PCDHGA2: variants seen among roughly 807,000 people sequenced by gnomAD.
PCDHGA2 encodes protocadherin gamma-A2.
Under a neutral mutation model 59.2 loss-of-function variants are expected in PCDHGA2, and 40 were observed. That is an observed-to-expected ratio of 0.68 (90% CI 0.52 to 0.88). The LOEUF is 0.88. Among genes scored for constraint, PCDHGA2 ranks in the 40% least tolerant of loss-of-function variants. The pLI is 0.00. For missense variants in PCDHGA2, 1,226 were observed against 1,204.0 expected (o/e 1.02, Z -0.27); for synonymous variants, 560 against 526.0 (o/e 1.06, Z -0.89).
intron 1 of PCDHGA2, chr5:141,422,767 G>T: frequency 6.2e-7 from 1 of 1,613,786 alleles, no homozygotes; most frequent in Non-Finnish European, 8.5e-7. Context: ...CAACACTGGT[G>T]TTCTCTATGC....
chr5:141,433,192 A>G (rs756991371), intron 1 of PCDHGA2: 1 of 1,585,516 alleles, frequency 6.3e-7, no homozygotes, highest in Non-Finnish European at 8.6e-7. Flanking sequence ...AGGTGAGTTT[A>G]TATCAAATCT....
intron 1 of PCDHGA2, among the ~76,000 whole-genome samples, chr5:141,380,672 T>C (rs1401105927): frequency 1.3e-5 from 2 of 152,212 alleles, no homozygotes; most frequent in Non-Finnish European, 1.5e-5. Context: ...CTCCATAGGG[T>C]ATGTATGCTT....
intron 1 of PCDHGA2, chr5:141,378,037 A>G (rs898518521): frequency 1.3e-5 from 2 of 152,204 alleles, no homozygotes; most frequent in African/African-American, 4.8e-5. Flanking sequence ...TTAAAACAAG[A>G]CTTTCCTTAT....
In PCDHGA2 at chr5:141,345,015, C is replaced by G. The variant is rs756820605; in HGVS notation, c.2424+3620C>G. 5 of 1,613,850 alleles carry G rather than the reference C, an allele frequency of 3.1e-6. No homozygotes were observed. Among genetic ancestry groups the G allele is most frequent in the Non-Finnish European group, 4.2e-6 (5 of 1,179,886 alleles). On this transcript the variant is annotated intron_variant, in intron 1 of 3. Transcript: ENST00000394576. ...TGAAGCACAGGATGGACCAGGTCTT[C>G]TTTCAAGAGCCAAGATTCTAGTCAC...
At chr5:141,375,561 A>C in intron 1 of PCDHGA2, 1 of 1,614,064 alleles carries the variant, frequency 6.2e-7, no homozygotes, top group Non-Finnish European at 8.5e-7. Context: ...TCACTGGCAG[A>C]AGACACCCTC....
rs781345070 is a variant in PCDHGA2 at position 141,371,941 on chromosome 5, C to T, written c.2424+30546C>T. 8 of 1,613,174 alleles carry T rather than the reference C, an allele frequency of 5.0e-6. No individual in the cohort carries two copies. The South Asian group carries it at 7.7e-5, about 15-fold the overall frequency. On this transcript the variant is annotated intron_variant, in intron 1 of 3. Transcript: ENST00000394576. ...AGCGCGCGGAGCGGGGTGGTGTTCG[C>T]GCAGCGAGCCTTCGACCACGAGCAG...
Position 141,487,494 on chromosome 5 carries a change from C to A in PCDHGA2, c.2425-7313C>A, listed in dbSNP as rs116370895. On this transcript the variant is annotated intron_variant, in intron 1 of 3. Transcript: ENST00000394576. The surrounding 1 kb of genome is among the most constrained non-coding windows in gnomAD (Gnocchi z 5.0). The stretch of plus-strand genomic sequence containing the variant: ...GGAGGCCACTCTCATGGCTGTACAC[C>A]CTTGGCTTCTGCACCCACTCGGAGT... 1,421 of 1,614,120 alleles carry A rather than the reference C, an allele frequency of 8.8e-4. 3 individuals are homozygous for A. Among genetic ancestry groups the A allele is most frequent in the Non-Finnish European group, 1.2e-3 (1,358 of 1,180,034 alleles).
At chr5:141,419,348 G>A (rs1195474899) in intron 1 of PCDHGA2, 1 of 1,613,816 alleles carries the variant, frequency 6.2e-7, no homozygotes, top group Non-Finnish European at 8.5e-7. Context: ...CAGCGACCTG[G>A]AGTCACGAAC....
chr5:141,399,194 C>A (rs770516092), intron 1 of PCDHGA2: 24 of 1,613,720 alleles, frequency 1.5e-5, no homozygotes, highest in Non-Finnish European at 1.5e-5. Context: ...CTGGAAAACG[C>A]GGTGCCTGGA....
intron 1 of PCDHGA2, chr5:141,364,350 G>A: frequency 6.5e-7 from 1 of 1,550,364 alleles, no homozygotes; most frequent in Non-Finnish European, 8.7e-7. Flanking sequence ...CCACCTAGGG[G>A]CTGGGGCTGC....
chr5:141,356,110 T>A (rs1251778945), intron 1 of PCDHGA2: 1 of 1,613,716 alleles, frequency 6.2e-7, no homozygotes, highest in East Asian at 2.2e-5. Context: ...TATAACAATA[T>A]TGGGGGGTCT....
chr5:141,371,950 C>T (rs749822569), intron 1 of PCDHGA2: 2 of 1,613,286 alleles, frequency 1.2e-6, no homozygotes, highest in Non-Finnish European at 1.7e-6. Context: ...GCGCAGCGAG[C>T]CTTCGACCAC....
At chr5:141,353,486 C>T (rs2149775311) in intron 1 of PCDHGA2, among the ~76,000 whole-genome samples, 1 of 152,174 alleles carries the variant, frequency 6.6e-6, no homozygotes, top group East Asian at 1.9e-4. Flanking sequence ...ACTCTTAACA[C>T]TTTGTCTCAT....
intron 1 of PCDHGA2, among the ~76,000 whole-genome samples, chr5:141,425,410 A>G (rs1283299220): frequency 2.0e-5 from 3 of 152,240 alleles, no homozygotes; most frequent in African/African-American, 7.2e-5. Flanking sequence ...TTAAGGTATA[A>G]CATATAGTCC....
At chr5:141,369,614 A>G (rs1334946148) in intron 1 of PCDHGA2, among the ~76,000 whole-genome samples, 2 of 152,240 alleles carry the variant, frequency 1.3e-5, no homozygotes, top group East Asian at 3.8e-4. Context: ...AAGGTCAATC[A>G]TTTCCTCATT....
At chr5:141,419,371 C>T (rs751971270) in intron 1 of PCDHGA2, 4 of 1,613,662 alleles carry the variant, frequency 2.5e-6, no homozygotes, top group Non-Finnish European at 8.5e-7. Flanking sequence ...TGTCGTCCTA[C>T]GTGTCCGTGA....
At chr5:141,405,489 G>A (rs1008095215) in intron 1 of PCDHGA2, 51 of 894,082 alleles carry the variant, frequency 5.7e-5, no homozygotes, top group Non-Finnish European at 7.7e-5. Context: ...GTGTGATCTC[G>A]GCTCATTGCA....
intron 1 of PCDHGA2, among the ~76,000 whole-genome samples, chr5:141,460,173 A>C (rs2098983888): frequency 6.6e-6 from 1 of 152,004 alleles, no homozygotes; most frequent in Admixed American, 6.6e-5. Flanking sequence ...TATTTTGTGG[A>C]TATTTTATCC....
rs150878327 is a variant in PCDHGA2 at position 141,438,347 on chromosome 5, C to A, written c.2425-56460C>A. On this transcript the variant is annotated intron_variant, in intron 1 of 3. Coordinates refer to ENST00000394576, the MANE Select transcript of PCDHGA2 (RefSeq NM_018915.4). ...CTTATACATGTCATATAAGGATCTACTCTGTGTATTGTCATTGAGGGCAGA... is the reference window on the plus strand; with the variant it reads ...CTTATACATGTCATATAAGGATCTAATCTGTGTATTGTCATTGAGGGCAGA... Among the ~76,000 whole-genome samples the A allele has an allele frequency of 3.9e-3, 588 of 151,848 alleles. 6 individuals are homozygous for A. Among genetic ancestry groups the A allele is most frequent in the Admixed American group, 0.011 (169 of 15,256 alleles).
Sources: allele counts gnomAD v4.1 joint callset (sites outside exome capture counted in the v4.1 genomes callset), GRCh38; gene constraint gnomAD v4.1.1; non-coding constraint Gnocchi (gnomAD v3.1); transcripts MANE v1.5; gene names NCBI Gene and HGNC (gene_info 2026-07-23, HGNC 2026-07-21).